ITGAX: variants seen among roughly 807,000 people sequenced by gnomAD.
ITGAX encodes integrin subunit alpha X.
ITGAX carries 99 observed loss-of-function variants against 140.2 expected under a neutral mutation model. The ratio of observed to expected loss-of-function variants is 0.71; its 90% confidence interval spans 0.60 to 0.83. The LOEUF is 0.83. Among genes scored for constraint, ITGAX ranks in the 40% least tolerant of loss-of-function variants. The pLI is 0.00. For synonymous variants in ITGAX, 631 were observed against 600.4 expected (o/e 1.05, Z -0.75); for missense variants, 1,444 against 1,482.0 (o/e 0.97, Z 0.42).
rs531842559 is a variant in ITGAX at position 31,382,439 on chromosome 16, T to C, written c.*532T>C. ...TCTTTCTAAAATACAGTTCTGAATA[T>C]GCTGCTCATCCCCACCTGTCTTCAA... On this transcript the variant is annotated 3_prime_UTR_variant, in exon 30 of 30. Transcript: ENST00000268296. 7.8e-6 allele frequency: 12 copies of C among 1,535,564 alleles called. No homozygotes were observed. Among genetic ancestry groups the C allele is most frequent in the East Asian group, 4.9e-5 (2 of 40,908 alleles).
chr16:31,357,545 C>T (rs765474361), intron 5 of ITGAX, 181 bp downstream of exon 5: 9 of 582,518 alleles, frequency 1.5e-5, no homozygotes, highest in Middle Eastern at 4.4e-4. Context: ...CCGCACGCTG[C>T]CGGACCTTTC....
intron 23 of ITGAX, among the ~76,000 whole-genome samples, chr16:31,377,517 T>C (rs11574644): frequency 7.5e-4 from 114 of 152,340 alleles, no homozygotes; most frequent in African/African-American, 2.6e-3. Flanking sequence ...CCCCATTATG[T>C]GTGATCAAAA....
Position 31,355,934 on chromosome 16 carries a change from C to G in ITGAX, c.79C>G (p.Leu27Val), listed in dbSNP as rs753816600. The G allele has an allele frequency of 6.2e-7, 1 of 1,613,956 alleles. No homozygotes were observed. The highest frequency in any genetic ancestry group is 1.1e-5 in the South Asian group (1 of 91,060). ...AGGTTTCAACTTGGACACAGAGGAG[C>G]TGACAGCCTTCCGTGTGGACAGCGC... is the stretch of plus-strand genomic sequence containing the variant. ...SLGFNLDTEELTAFRVDSAGF... is the reference protein window; with the variant it reads ...SLGFNLDTEEVTAFRVDSAGF... The change falls in exon 2 of 30, where the codon CTG (leucine) becomes GTG (valine). Residue 27 changes from leucine to valine, a missense_variant. Leu to Val is a conservative substitution (Grantham distance 32, BLOSUM62 1). Coordinates refer to ENST00000268296, the MANE Select transcript of ITGAX (RefSeq NM_000887.5).
Position 31,360,454 on chromosome 16 carries a change from T to C in ITGAX, c.852T>C (p.Tyr284=). 1 of 1,609,946 alleles carries C rather than the reference T, an allele frequency of 6.2e-7. No homozygotes were observed. Among genetic ancestry groups the C allele is most frequent in the Non-Finnish European group, 8.5e-7 (1 of 1,178,116 alleles). The stretch of plus-strand genomic sequence containing the variant: ...CTGATGCAGCAGGCATCATCCGCTA[T>C]GCAATTGGGGTAGGGCGTGGGATGG... ...PMADAAGIIR[Y]AIGVGLAFQN... is the part of the protein sequence containing the mutation. Residue 284 remains tyrosine (Y), a synonymous_variant, in exon 8 of 30, where the codon TAT becomes TAC. Transcript: ENST00000268296.
At chr16:31,360,129 G>C (rs1172279452) in intron 7 of ITGAX, 64 bp downstream of exon 7, 1 of 1,589,560 alleles carries the variant, frequency 6.3e-7, no homozygotes, top group Non-Finnish European at 8.6e-7. Flanking sequence ...GGCCTCATCT[G>C]TCTCCACGAG....
At position 31,360,045 on chromosome 16, in the gene ITGAX, C is replaced by T; in HGVS notation, c.687C>T (p.Ala229=). 6.2e-7 allele frequency: 1 copy of T among 1,611,534 alleles called. No homozygotes were observed. The highest frequency in any genetic ancestry group is 1.3e-5 in the African/African-American group (1 of 75,038). Residue 229 remains alanine, a synonymous_variant, in exon 7 of 30, where the codon GCC becomes GCT. Coordinates refer to ENST00000268296, the MANE Select transcript of ITGAX (RefSeq NM_000887.5). ...VHQLQGFTYT[A]TAIQNVVHRL... ...AGCTGCAAGGGTTTACATACACGGC[C>T]ACCGCCATCCAAAATGTCGTGTGAG...
At chr16:31,361,930 CGAT>C (rs1426378113) in intron 10 of ITGAX, 21 bp downstream of exon 10, 37 of 1,613,648 alleles carry the variant, frequency 2.3e-5, no homozygotes, top group Non-Finnish European at 3.1e-5. Flanking sequence ...CCCCTTAGGC[CGAT>C]GATGTGCCGT....
chr16:31,357,373 C>A lies in ITGAX; in HGVS notation c.430+9C>A. 6.4e-7 allele frequency: 1 copy of A among 1,573,690 alleles called. No homozygotes were observed. The highest frequency in any genetic ancestry group is 8.7e-7 in the Non-Finnish European group (1 of 1,155,218). On this transcript the variant is annotated intron_variant, in intron 5 of 29. Coordinates refer to ENST00000268296, the MANE Select transcript of ITGAX (RefSeq NM_000887.5). ...CCCGGTGTCCAGGCAGGGTGAGTGT[C>A]GGGACCACCAAGGCTTTGAGGAGCT... is the stretch of plus-strand genomic sequence containing the variant.
chr16:31,357,159 C>T lies in ITGAX; in HGVS notation c.318+58C>T, dbSNP rs572322134. ...GGGAGGGAGGGAGGAGCCGGGGCCG[C>T]GGGGGGCTGGGAGTCTCCTGTAGGG... is the stretch of plus-strand genomic sequence containing the variant. On this transcript the variant is annotated intron_variant, in intron 4 of 29. Coordinates refer to ENST00000268296, the MANE Select transcript of ITGAX (RefSeq NM_000887.5). The T allele has an allele frequency of 3.4e-5, 53 of 1,568,378 alleles. No homozygotes were observed. The South Asian group carries it at 5.4e-4, about 16-fold the overall frequency.
chr16:31,374,548 T>C (rs1452433085), intron 20 of ITGAX, among the ~76,000 whole-genome samples: 1 of 152,126 alleles, frequency 6.6e-6, no homozygotes. Context: ...CAAGCGATCC[T>C]CCCATCTCAG....
Position 31,362,917 on chromosome 16 carries a change from C to G in ITGAX, c.1360-18C>G. On this transcript the variant is annotated intron_variant, in intron 12 of 29. Transcript: ENST00000268296. ...CTCTGGCAGGGACAGGCAGCATGAC[C>G]CAGGCTCTGCCCTTCAGATCGGCTC... 12 of 1,611,176 alleles carry G rather than the reference C, an allele frequency of 7.4e-6. No homozygotes were observed. The highest frequency in any genetic ancestry group is 1.0e-5 in the Non-Finnish European group (12 of 1,179,496).
intron 14 of ITGAX, among the ~76,000 whole-genome samples, chr16:31,367,857 T>G (rs780353938): frequency 2.6e-5 from 4 of 152,240 alleles, no homozygotes; most frequent in Admixed American, 6.5e-5. Context: ...CTGATGGATC[T>G]GGGCAAAGTC....
rs147582747 is a variant in ITGAX, at chr16:31,360,359, A to G, written c.757A>G (p.Ile253Val). The change falls in exon 8 of 30, where the codon ATT becomes GTT. Residue 253 changes from isoleucine (I) to valine (V), a missense_variant. Transcript: ENST00000268296. ...TGGGGCCCGTAGGGATGCCGCCAAA[A>G]TTCTCATTGTCATCACTGATGGGAA... ...SYGARRDAAKILIVITDGKKE... is the reference protein window; with the variant it reads ...SYGARRDAAKVLIVITDGKKE... 9.9e-6 allele frequency: 16 copies of G among 1,613,902 alleles called. No homozygotes were observed. The African/African-American group carries it at 2.0e-4, about 20-fold the overall frequency.
intron 14 of ITGAX, among the ~76,000 whole-genome samples, chr16:31,365,529 T>C (rs972477925): frequency 6.6e-6 from 1 of 152,236 alleles, no homozygotes; most frequent in South Asian, 2.1e-4. Context: ...CCAACCTTAT[T>C]GAGCTGCTGC....
chr16:31,372,451 C>T lies in ITGAX; in HGVS notation c.2234C>T (p.Ala745Val). ...NFTLVGKPLL[A>V]FRNLRPMLAA... ...ACGCTGGTGGGCAAGCCCCTCCTTG[C>T]CTTCAGAAACCTGCGGCCTATGCTG... Residue 745 changes from alanine to valine, a missense_variant, in exon 18 of 30, where the codon GCC becomes GTC. Coordinates refer to ENST00000268296, the MANE Select transcript of ITGAX (RefSeq NM_000887.5). 6.2e-7 allele frequency: 1 copy of T among 1,608,104 alleles called. No homozygotes were observed. The highest frequency in any genetic ancestry group is 8.5e-7 in the Non-Finnish European group (1 of 1,178,562).
In ITGAX at chr16:31,371,411, G is replaced by A. The variant is rs202093756; in HGVS notation, c.1919G>A (p.Arg640Gln). ...AEIPRSAFEC[R>Q]EQVVSEQTLV... ...ATCCCCAGGTCTGCGTTTGAGTGTC[G>A]GGAGCAGGTGGTCTCTGAGCAGACC... The change falls in exon 16 of 30, where the codon CGG becomes CAG. Residue 640 changes from arginine to glutamine, a missense_variant. By Grantham distance (43) the Arg-to-Gln change is conservative. Coordinates refer to ENST00000268296, the MANE Select transcript of ITGAX (RefSeq NM_000887.5). 1.4e-4 allele frequency: 218 copies of A among 1,614,162 alleles called. No individual in the cohort carries two copies. In the East Asian group the frequency reaches 4.1e-3, roughly 31 times the overall value.
chr16:31,357,550 C>T, intron 5 of ITGAX, 186 bp downstream of exon 5: 1 of 581,064 alleles, frequency 1.7e-6, no homozygotes, highest in Non-Finnish European at 3.1e-6. Flanking sequence ...CGCTGCCGGA[C>T]CTTTCCTGTG....
At chr16:31,361,311 G>A (rs1009867134) in intron 9 of ITGAX, 98 bp downstream of exon 9, 9 of 1,331,318 alleles carry the variant, frequency 6.8e-6, no homozygotes, top group African/African-American at 4.4e-5. Flanking sequence ...ACAGCGTCTC[G>A]GTTCTCCTGC....
chr16:31,372,167 G>GGC (rs1555477541), intron 17 of ITGAX, among the ~76,000 whole-genome samples: 10 of 138,836 alleles, frequency 7.2e-5, no homozygotes, highest in Non-Finnish European at 1.2e-4. Context: ...GGGAGGTCTG[G>GGC]GGGGGGGGAG....
Sources: gnomAD v4.1 joint callset for allele counts (sites outside exome capture counted in the v4.1 genomes callset) on GRCh38, gnomAD v4.1.1 for gene constraint, MANE v1.5 for transcripts, NCBI Gene and HGNC (gene_info 2026-07-23, HGNC 2026-07-21) for gene names.